The following NEK4 variants were observed in gnomAD, a reference collection of about 807,000 sequenced individuals.
The protein encoded by NEK4 is NIMA related kinase 4.
NEK4 carries 86 observed loss-of-function variants against 98.4 expected under a neutral mutation model. The observed-to-expected ratio is 0.87, with a 90% CI of 0.73 to 1.05. The LOEUF is 1.05. Ranked by LOEUF, NEK4 falls within the 50% of genes least tolerant of loss-of-function variation. The probability of loss-of-function intolerance (pLI) is 0.00; values close to 1 mark genes in which losing one functional copy is unlikely to be tolerated. For synonymous variants in NEK4, 328 were observed against 342.2 expected (o/e 0.96, Z 0.46); for missense variants, 898 against 950.3 (o/e 0.94, Z 0.72).
At chr3:52,744,721 T>C (rs1246337427) in intron 10 of NEK4, among the ~76,000 whole-genome samples, 1 of 145,414 alleles carries the variant, frequency 6.9e-6, no homozygotes, top group Non-Finnish European at 1.5e-5. Flanking sequence ...TACTCCAGCC[T>C]GGGTGACACA....
At chr3:52,747,574 C>T (rs1561314332) in intron 8 of NEK4, 1 of 151,814 alleles carries the variant, frequency 6.6e-6, no homozygotes, top group Non-Finnish European at 1.5e-5. Flanking sequence ...CAAACACACA[C>T]AAAAACACAA....
At chr3:52,734,073 C>T (rs2097372496) in intron 15 of NEK4, among the ~76,000 whole-genome samples, 1 of 152,036 alleles carries the variant, frequency 6.6e-6, no homozygotes, top group South Asian at 2.1e-4. Flanking sequence ...AAAGAGAGAA[C>T]AGTTGGCCAG....
At chr3:52,744,501 T>A (rs928085122) in intron 10 of NEK4, among the ~76,000 whole-genome samples, 196 bp from the exon 11 acceptor site, 1 of 151,938 alleles carries the variant, frequency 6.6e-6, no homozygotes. Context: ...CTGGCCAACA[T>A]GGTGAAACCC....
At position 52,739,641 on chromosome 3, in the gene NEK4, G is replaced by A. The variant is rs2097382465; in HGVS notation, c.2094-7C>T. On this transcript the variant is annotated splice_polypyrimidine_tract_variant and splice_region_variant and intron_variant, in intron 13 of 15. Coordinates refer to ENST00000233027, the MANE Select transcript of NEK4 (RefSeq NM_003157.6). ...TTCATTTGTCTGACCTTTCCTGGGG[G>A]AAAAAAATATCCCTTTGTTATTTAA... is the stretch of plus-strand genomic sequence containing the variant. The A allele has an allele frequency of 6.3e-7, 1 of 1,597,866 alleles. No individual in the cohort carries two copies. Among genetic ancestry groups the A allele is most frequent in the Admixed American group, 1.7e-5 (1 of 57,402 alleles).
Position 52,754,576 on chromosome 3 carries a change from T to C in NEK4, c.964-2240A>G, listed in dbSNP as rs1006236403. 22 of 1,347,164 alleles carry C rather than the reference T, an allele frequency of 1.6e-5. No individual in the cohort carries two copies. The Admixed American group carries it at 3.8e-4, about 23-fold the overall frequency. The allele number at this position is 1,347,164 out of a possible 1,614,324, so 83.5% of individuals were successfully genotyped here. A position where few individuals can be genotyped will look rare whatever the true frequency, so the allele number is the denominator to read the frequency against. ...GTACATGATGAAGCCAGAGAAAAGATGCTGACTCAGAAAAGCCTGAAGAAC... is the reference window on the plus strand; with the variant it reads ...GTACATGATGAAGCCAGAGAAAAGACGCTGACTCAGAAAAGCCTGAAGAAC... On this transcript the variant is annotated intron_variant, in intron 6 of 15. Transcript: ENST00000233027.
rs1030770142 is a variant in NEK4, at chr3:52,709,725, T to TA, written c.*2051dup. 9 of 102,382 alleles carry TA rather than the reference T, an allele frequency of 8.8e-5. No homozygotes were observed. Among genetic ancestry groups the TA allele is most frequent in the Admixed American group, 3.1e-4 (3 of 9,542 alleles). The allele number at this position is 102,382 out of a possible 1,614,324, so 6.3% of individuals were successfully genotyped here. On this transcript the variant is annotated 3_prime_UTR_variant, in exon 16 of 16. Transcript: ENST00000233027. ...CAAAAAAAAAAAAAAAAAAAAAAGA[T>TA]ATGGGTGAGATTCCTTTAATTCTAA...
intron 15 of NEK4, among the ~76,000 whole-genome samples, chr3:52,712,632 T>C (rs2097351533): frequency 6.6e-6 from 1 of 152,192 alleles, no homozygotes; most frequent in Non-Finnish European, 1.5e-5. Context: ...TGAGTGAAAG[T>C]AGCTCTCAGC....
At position 52,723,552 on chromosome 3, in the gene NEK4, A is replaced by G. The variant is rs116816900; in HGVS notation, c.2434-11683T>C. On this transcript the variant is annotated intron_variant, in intron 15 of 15. Transcript: ENST00000233027. The stretch of plus-strand genomic sequence containing the variant: ...CCACCATGCCCGGTCTGAAAAAAAG[A>G]AATTCTGAAGATGAAAAGTACAATA... 5.4e-3 allele frequency among the ~76,000 whole-genome samples: 820 copies of G among 152,288 alleles called. 9 individuals carry two copies. The highest frequency in any genetic ancestry group is 0.019 in the African/African-American group (783 of 41,562).
In NEK4 at chr3:52,743,395, G is replaced by A; in HGVS notation, c.1961C>T (p.Pro654Leu). 6.2e-7 allele frequency: 1 copy of A among 1,614,144 alleles called. No homozygotes were observed. The highest frequency in any genetic ancestry group is 8.5e-7 in the Non-Finnish European group (1 of 1,180,024). Residue 654 changes from proline to leucine, a missense_variant, in exon 12 of 16, where the codon CCC becomes CTC. Physicochemically the swap from Pro to Leu is moderately conservative, Grantham distance 98. Transcript: ENST00000233027. ...GPGKPQEEDQ[P>L]LPARRLSSDC... The stretch of plus-strand genomic sequence containing the variant: ...AGAGGAGAGCCGTCGGGCAGGCAAG[G>A]GCTGGTCTTCTTCCTGGGGTTTTCC...
intron 15 of NEK4, among the ~76,000 whole-genome samples, chr3:52,718,342 A>G (rs2097357018): frequency 6.6e-6 from 1 of 151,584 alleles, no homozygotes; most frequent in Non-Finnish European, 1.5e-5. Context: ...GCATGGTGGC[A>G]GACGCCAGTA....
chr3:52,748,019 G>A (rs1322143543), intron 8 of NEK4, among the ~76,000 whole-genome samples: 1 of 151,994 alleles, frequency 6.6e-6, no homozygotes, highest in East Asian at 1.9e-4. Context: ...GAGTGCAATG[G>A]CGCGATCTCG....
chr3:52,733,673 G>A (rs1166576946), intron 15 of NEK4: 1 of 461,590 alleles, frequency 2.2e-6, no homozygotes, highest in South Asian at 1.6e-5. Flanking sequence ...CCATACTGGA[G>A]AGAAACTTTA....
intron 15 of NEK4, among the ~76,000 whole-genome samples, chr3:52,722,269 G>A (rs777780331): frequency 1.6e-4 from 25 of 151,972 alleles, no homozygotes; most frequent in Non-Finnish European, 3.2e-4. Flanking sequence ...AACATCCAGC[G>A]TATCCTTATT....
chr3:52,718,722 C>T (rs1010232571), intron 15 of NEK4, among the ~76,000 whole-genome samples: 11 of 152,114 alleles, frequency 7.2e-5, no homozygotes, highest in African/African-American at 2.2e-4. Context: ...TACAACTGCT[C>T]GCTTCCCCGC....
intron 4 of NEK4, 98 bp downstream of exon 4, chr3:52,765,789 C>T: frequency 1.3e-6 from 1 of 742,124 alleles, no homozygotes. Context: ...TCAATAATTA[C>T]TCATTGACTC....
intron 4 of NEK4, among the ~76,000 whole-genome samples, chr3:52,764,757 C>T (rs563653135): frequency 8.5e-5 from 12 of 140,544 alleles, no homozygotes; most frequent in East Asian, 6.2e-4. Context: ...TGTGCGCGTG[C>T]GCATGCACAC....
chr3:52,753,087 A>AG (rs2097408491), intron 6 of NEK4, among the ~76,000 whole-genome samples: 1 of 151,104 alleles, frequency 6.6e-6, no homozygotes, highest in Admixed American at 6.6e-5. Flanking sequence ...CCAGCACTTG[A>AG]GCTCAGGAGT....
At chr3:52,745,786 G>A (rs905314373) in intron 10 of NEK4, among the ~76,000 whole-genome samples, 6 of 152,196 alleles carry the variant, frequency 3.9e-5, no homozygotes, top group Middle Eastern at 3.4e-3. Context: ...ACAGTGGCAT[G>A]ATCTCGGCTC....
At chr3:52,727,131 T>C (rs1452330773) in intron 15 of NEK4, among the ~76,000 whole-genome samples, 1 of 152,044 alleles carries the variant, frequency 6.6e-6, no homozygotes, top group Non-Finnish European at 1.5e-5. Context: ...TGTACCACCA[T>C]GCCCAGCTAA....
Sources: gnomAD v4.1 joint callset for allele counts (sites outside exome capture counted in the v4.1 genomes callset) on GRCh38, gnomAD v4.1.1 for gene constraint, MANE v1.5 for transcripts, NCBI Gene and HGNC (gene_info 2026-07-23, HGNC 2026-07-21) for gene names.